HSPBAP1: variants seen among roughly 807,000 people sequenced by gnomAD.
HSPBAP1 encodes HSPB1 associated protein 1, also known as HSPB1-associated protein 1.
In HSPBAP1, 27 loss-of-function variants were observed where a neutral mutation model predicts 45.2. That is an observed-to-expected ratio of 0.60 (90% confidence interval 0.44 to 0.82). HSPBAP1 has a LOEUF of 0.82. Among genes scored for constraint, HSPBAP1 ranks in the 40% least tolerant of loss-of-function variants. The probability of loss-of-function intolerance (pLI) is 0.00; values close to 1 mark genes in which losing one functional copy is unlikely to be tolerated. For missense variants in HSPBAP1, 510 were observed against 590.9 expected, an observed-to-expected ratio of 0.86 and a Z score of 1.42; for synonymous variants, 204 against 202.7, an observed-to-expected ratio of 1.01 and a Z score of -0.06.
intron 3 of HSPBAP1, among the ~76,000 whole-genome samples, chr3:122,766,147 T>C (rs1405548212): frequency 2.0e-5 from 3 of 152,198 alleles, no homozygotes; most frequent in Non-Finnish European, 4.4e-5. Flanking sequence ...TCTAATGACA[T>C]TAAACATTTT....
intron 2 of HSPBAP1, among the ~76,000 whole-genome samples, chr3:122,771,071 T>G (rs1434082818): frequency 6.6e-6 from 1 of 152,266 alleles, no homozygotes; most frequent in Non-Finnish European, 1.5e-5. Context: ...CATTTTCTGT[T>G]ACAGCAAGCT....
At chr3:122,748,283 C>A (rs147939290) in intron 6 of HSPBAP1, among the ~76,000 whole-genome samples, 24,584 of 151,778 alleles carry the variant, frequency 0.16, 1,999 homozygotes, top group African/African-American at 0.2. Context: ...AAACCAGAGA[C>A]CTTTGTTCAC....
intron 1 of HSPBAP1, among the ~76,000 whole-genome samples, chr3:122,780,953 G>T (rs1181173520): frequency 1.6e-5 from 2 of 123,256 alleles, no homozygotes; most frequent in East Asian, 2.2e-4. Context: ...CATCTCAGAC[G>T]ATGGGCGGCC....
chr3:122,774,094 T>C (rs1456509829), intron 2 of HSPBAP1, among the ~76,000 whole-genome samples: 2 of 152,226 alleles, frequency 1.3e-5, no homozygotes, highest in Non-Finnish European at 2.9e-5. Context: ...ACAAATTCAA[T>C]GTCCATTAGG....
At chr3:122,750,711 A>C (rs1451228790) in intron 6 of HSPBAP1, among the ~76,000 whole-genome samples, 3 of 152,174 alleles carry the variant, frequency 2.0e-5, no homozygotes, top group Non-Finnish European at 4.4e-5. Context: ...ATTGACTTCC[A>C]AGTGTGGGGC....
At chr3:122,748,886 A>G (rs781555299) in intron 6 of HSPBAP1, among the ~76,000 whole-genome samples, 6 of 152,222 alleles carry the variant, frequency 3.9e-5, no homozygotes, top group Non-Finnish European at 8.8e-5. Flanking sequence ...CCATACAGTG[A>G]AGTACTAGAC....
chr3:122,769,026 G>A lies in HSPBAP1; in HGVS notation c.251-144C>T, dbSNP rs1204875777. On this transcript the variant is annotated intron_variant, in intron 2 of 7. Coordinates refer to ENST00000306103, the MANE Select transcript of HSPBAP1 (RefSeq NM_024610.6). ...TTCGTGTTGAGCCAGGTGTGGTGGT[G>A]CATGCCTGTAATCCTAGTTTCTCTG... The A allele has an allele frequency of 4.0e-5, 24 of 601,882 alleles. No individual in the cohort carries two copies. In the East Asian group the frequency reaches 6.3e-4, roughly 16 times the overall value. 37.3% of individuals were successfully genotyped at this position (601,882 alleles called of 1,614,324 possible).
At chr3:122,786,832 A>G (rs1019325058) in intron 1 of HSPBAP1, among the ~76,000 whole-genome samples, 1 of 152,222 alleles carries the variant, frequency 6.6e-6, no homozygotes, top group Admixed American at 6.5e-5. Context: ...GAAATAAAAC[A>G]ATCAGCTGGT....
intron 1 of HSPBAP1, among the ~76,000 whole-genome samples, chr3:122,778,508 AT>A (rs1935269192): frequency 7.3e-6 from 1 of 136,060 alleles, no homozygotes; most frequent in Non-Finnish European, 1.6e-5. Context: ...ACAGTCTAGT[AT>A]TTCTTTTTTT....
At chr3:122,769,635 G>GTGCT (rs1934914704) in intron 2 of HSPBAP1, among the ~76,000 whole-genome samples, 1 of 152,166 alleles carries the variant, frequency 6.6e-6, no homozygotes. Flanking sequence ...AGTTAGCACA[G>GTGCT]TGCTTGACAC....
intron 5 of HSPBAP1, chr3:122,753,959 A>C: frequency 1.1e-6 from 1 of 919,620 alleles, no homozygotes. Context: ...AATGGCTGTA[A>C]AAATAATGAT....
intron 1 of HSPBAP1, among the ~76,000 whole-genome samples, chr3:122,780,781 G>T (rs1935426696): frequency 2.0e-5 from 3 of 148,336 alleles, no homozygotes; most frequent in Non-Finnish European, 3.0e-5. Flanking sequence ...GGGCGGAGGG[G>T]CTCCTCACTT....
At chr3:122,767,428 TA>T (rs1934825699) in intron 3 of HSPBAP1, among the ~76,000 whole-genome samples, 2 of 152,148 alleles carry the variant, frequency 1.3e-5, no homozygotes, top group African/African-American at 4.8e-5. Context: ...TAATCCCAGC[TA>T]CTGGGGTCAG....
intron 6 of HSPBAP1, among the ~76,000 whole-genome samples, chr3:122,742,709 A>G (rs749371267): frequency 2.0e-5 from 3 of 152,228 alleles, no homozygotes; most frequent in Admixed American, 6.5e-5. Context: ...AATTAGTTGA[A>G]GTCCTTAAGA....
At chr3:122,757,203 A>C (rs1288405662) in intron 4 of HSPBAP1, among the ~76,000 whole-genome samples, 3 of 152,172 alleles carry the variant, frequency 2.0e-5, no homozygotes, top group Non-Finnish European at 4.4e-5. Flanking sequence ...TGCTTTAAAA[A>C]CTTCTCATGG....
intron 6 of HSPBAP1, among the ~76,000 whole-genome samples, chr3:122,746,748 C>CCCTGCCTGATTCTCCTGCCTCGG (rs1269889484): frequency 6.6e-6 from 1 of 152,108 alleles, no homozygotes; most frequent in Non-Finnish European, 1.5e-5. Context: ...ACTGCAACCT[C>CCCTGCCTGATTCTCCTGCCTCGG]CCTGCCTGAT....
At chr3:122,783,368 G>T (rs1165095598) in intron 1 of HSPBAP1, among the ~76,000 whole-genome samples, 2 of 152,060 alleles carry the variant, frequency 1.3e-5, no homozygotes, top group East Asian at 3.9e-4. Context: ...AATCTTCCTG[G>T]ACTTGATGTG....
At chr3:122,781,318 C>T (rs758413117) in intron 1 of HSPBAP1, among the ~76,000 whole-genome samples, 14 of 152,324 alleles carry the variant, frequency 9.2e-5, no homozygotes, top group Admixed American at 2.0e-4. Flanking sequence ...CTCGGGAGGC[C>T]GAGGCTGGAG....
chr3:122,769,445 G>T (rs1208978422), intron 2 of HSPBAP1, among the ~76,000 whole-genome samples: 9 of 152,156 alleles, frequency 5.9e-5, no homozygotes, highest in Non-Finnish European at 1.3e-4. Context: ...TTGTTATTAT[G>T]GGTATGACTC....
Sources: gnomAD v4.1 joint callset for allele counts (sites outside exome capture counted in the v4.1 genomes callset) on GRCh38, gnomAD v4.1.1 for gene constraint, MANE v1.5 for transcripts, NCBI Gene and HGNC (gene_info 2026-07-23, HGNC 2026-07-21) for gene names.